The following GDAP1 variants were observed in gnomAD, a reference collection of about 807,000 sequenced individuals.
GDAP1 encodes ganglioside-induced differentiation-associated protein 1.
GDAP1 carries 34 observed loss-of-function variants against 40.1 expected under a neutral mutation model. The ratio of observed to expected loss-of-function variants is 0.85; its 90% CI spans 0.64 to 1.13. The LOEUF (loss-of-function observed/expected upper bound fraction) is 1.13. GDAP1 is among the 50% of genes most tolerant of loss of function. The pLI is 0.00. For synonymous variants in GDAP1, 170 were observed against 157.4 expected (o/e 1.08, Z -0.60); for missense variants, 374 against 433.7 (o/e 0.86, Z 1.22).
At chr8:74,375,328 A>G (rs1031015684) in intron 2 of GDAP1, among the ~76,000 whole-genome samples, 3 of 49,832 alleles carry the variant, frequency 6.0e-5, no homozygotes, top group African/African-American at 2.5e-4. Flanking sequence ...CTCTGTCTCA[A>G]AAAAAAAAAG....
intron 2 of GDAP1, among the ~76,000 whole-genome samples, chr8:74,483,520 A>G (rs1806738917): frequency 6.6e-6 from 1 of 152,258 alleles, no homozygotes; most frequent in Admixed American, 6.5e-5. Context: ...AAGATAAAGT[A>G]TTGGATAAGC....
At chr8:74,427,917 T>C (rs959364573) in intron 2 of GDAP1, among the ~76,000 whole-genome samples, 1 of 152,200 alleles carries the variant, frequency 6.6e-6, no homozygotes, top group Non-Finnish European at 1.5e-5. Flanking sequence ...TAGTTCACAT[T>C]ATAAAATAAT....
At chr8:74,353,946 T>A (rs572996647) in intron 2 of GDAP1, among the ~76,000 whole-genome samples, 23 of 152,270 alleles carry the variant, frequency 1.5e-4, no homozygotes, top group African/African-American at 5.5e-4. Flanking sequence ...CTGGAGAATG[T>A]CCCTAACACT....
intron 2 of GDAP1, among the ~76,000 whole-genome samples, chr8:74,384,926 A>C (rs1810004062): frequency 6.6e-6 from 1 of 152,194 alleles, no homozygotes; most frequent in Admixed American, 6.5e-5. Flanking sequence ...TATACTAAGG[A>C]ACAATATCCA....
intron 2 of GDAP1, among the ~76,000 whole-genome samples, chr8:74,469,528 C>T (rs1586844560): frequency 2.6e-5 from 4 of 151,508 alleles, no homozygotes; most frequent in Admixed American, 2.6e-4. Flanking sequence ...ATTAGCCGGG[C>T]GCGGTGGCGG....
chr8:74,480,109 C>G (rs576782551), intron 2 of GDAP1, among the ~76,000 whole-genome samples: 6 of 151,502 alleles, frequency 4.0e-5, no homozygotes, highest in African/African-American at 1.5e-4. Context: ...CTGCTTTAGC[C>G]TCCCGAGTAG....
chr8:74,486,115 G>A (rs184799696), intron 2 of GDAP1, among the ~76,000 whole-genome samples: 1 of 152,308 alleles, frequency 6.6e-6, no homozygotes, highest in East Asian at 1.9e-4. Flanking sequence ...TACACACATA[G>A]GCTGATAGGA....
intron 2 of GDAP1, among the ~76,000 whole-genome samples, chr8:74,417,953 G>C (rs978289857): frequency 5.9e-5 from 9 of 152,038 alleles, no homozygotes; most frequent in African/African-American, 2.2e-4. Flanking sequence ...CAATAGCTTT[G>C]AAATACATAG....
At chr8:74,429,029 A>G (rs1482501587) in intron 2 of GDAP1, among the ~76,000 whole-genome samples, 2 of 151,722 alleles carry the variant, frequency 1.3e-5, no homozygotes, top group African/African-American at 2.4e-5. Context: ...CCATGTCCCT[A>G]CAAAAGACAT....
chr8:74,423,125 A>G (rs867488306), intron 2 of GDAP1, among the ~76,000 whole-genome samples: 1 of 147,474 alleles, frequency 6.8e-6, no homozygotes, highest in Non-Finnish European at 1.5e-5. Flanking sequence ...TAACATCATC[A>G]ATTCATCTAT....
intron 2 of GDAP1, among the ~76,000 whole-genome samples, chr8:74,381,292 G>A (rs182824872): frequency 9.4e-4 from 143 of 151,948 alleles, no homozygotes; most frequent in Admixed American, 2.6e-3. Flanking sequence ...AGCAGAGTTC[G>A]TAACAAAAAA....
intron 2 of GDAP1, among the ~76,000 whole-genome samples, chr8:74,393,414 T>C (rs982356949): frequency 1.3e-5 from 2 of 152,216 alleles, no homozygotes; most frequent in Admixed American, 1.3e-4. Flanking sequence ...AAGATATGAA[T>C]GAAAGCCCTC....
At chr8:74,379,713 A>G (rs1302756493) in intron 2 of GDAP1, among the ~76,000 whole-genome samples, 1 of 152,178 alleles carries the variant, frequency 6.6e-6, no homozygotes, top group African/African-American at 2.4e-5. Flanking sequence ...TCGGTTCAAC[A>G]TTCTGTTGAA....
intron 2 of GDAP1, among the ~76,000 whole-genome samples, chr8:74,401,225 C>T (rs1042949889): frequency 6.7e-6 from 1 of 149,046 alleles, no homozygotes; most frequent in Non-Finnish European, 1.5e-5. Flanking sequence ...CACATAGTCC[C>T]ATATTTCTTG....
intron 2 of GDAP1, among the ~76,000 whole-genome samples, chr8:74,486,483 C>A (rs748011557): frequency 1.3e-5 from 2 of 152,122 alleles, no homozygotes; most frequent in Non-Finnish European, 2.9e-5. Flanking sequence ...ATGCACTTCA[C>A]GAATAAATTA....
chr8:74,401,275 C>T (rs1563458883), intron 2 of GDAP1, among the ~76,000 whole-genome samples: 1 of 149,110 alleles, frequency 6.7e-6, no homozygotes, highest in Non-Finnish European at 1.5e-5. Flanking sequence ...TTTCTCTAAA[C>T]TTCCCTTCTC....
At chr8:74,422,722 C>T (rs980916601) in intron 2 of GDAP1, among the ~76,000 whole-genome samples, 18 of 151,654 alleles carry the variant, frequency 1.2e-4, no homozygotes, top group Non-Finnish European at 2.4e-4. Context: ...TTGCAAAACC[C>T]CTTTATTCTT....
rs4551344 is a variant in GDAP1 at position 74,366,665 on chromosome 8, A to G, written c.*2298A>G. ...GTTGGCTTTTTGTGTCTTAACACAC[A>G]TAAATACTATTGTTATTGCAGCAGA... On this transcript the variant is annotated 3_prime_UTR_variant, in exon 6 of 6. Coordinates refer to ENST00000220822, the MANE Select transcript of GDAP1 (RefSeq NM_018972.4). The G allele has an allele frequency of 0.018, 8,271 of 453,664 alleles. 334 individuals are homozygous for G. The highest frequency in any genetic ancestry group is 0.1 in the Admixed American group (4,314 of 42,536). 28.1% of individuals were successfully genotyped at this position (453,664 alleles called of 1,614,324 possible).
At chr8:74,354,587 T>A (rs1320421974) in intron 2 of GDAP1, among the ~76,000 whole-genome samples, 1 of 152,170 alleles carries the variant, frequency 6.6e-6, no homozygotes, top group African/African-American at 2.4e-5. Context: ...AAATGTAAAA[T>A]GGCTATGAGG....
Sources: gnomAD v4.1 joint callset for allele counts (sites outside exome capture counted in the v4.1 genomes callset) on GRCh38, gnomAD v4.1.1 for gene constraint, MANE v1.5 for transcripts, NCBI Gene and HGNC (gene_info 2026-07-23, HGNC 2026-07-21) for gene names.